RUNX1: variants seen among roughly 807,000 people sequenced by gnomAD.
RUNX1 encodes the protein runt-related transcription factor 1.
RUNX1 carries 19 observed loss-of-function variants against 42.8 expected under a neutral mutation model. That is an observed-to-expected ratio of 0.44 (90% confidence interval 0.31 to 0.65). The LOEUF (loss-of-function observed/expected upper bound fraction) is 0.65. RUNX1 is among the 30% of genes least tolerant of loss of function. The pLI, the probability that RUNX1 is intolerant of heterozygous loss-of-function variation, is 0.07. For missense variants in RUNX1, 528 were observed against 672.0 expected (o/e 0.79, Z 2.37); for synonymous variants, 271 against 289.4 (o/e 0.94, Z 0.64).
At chr21:35,010,737 A>C (rs1231143276) in intron 2 of RUNX1, among the ~76,000 whole-genome samples, 1 of 152,184 alleles carries the variant, frequency 6.6e-6, no homozygotes, top group Non-Finnish European at 1.5e-5. Flanking sequence ...GCACTCATGT[A>C]ATTTTACATA....
At chr21:34,885,825 C>A (rs868658215) in intron 4 of RUNX1, among the ~76,000 whole-genome samples, 1 of 152,266 alleles carries the variant, frequency 6.6e-6, no homozygotes, top group Middle Eastern at 3.4e-3. Flanking sequence ...CAGGAAATGA[C>A]CCGCACTGAT....
At chr21:35,048,597 C>T (rs1411377237) in intron 2 of RUNX1, among the ~76,000 whole-genome samples, 3 of 152,206 alleles carry the variant, frequency 2.0e-5, no homozygotes, top group Non-Finnish European at 4.4e-5. Flanking sequence ...AAAGTTCTCA[C>T]GCACCGACTG....
intron 2 of RUNX1, among the ~76,000 whole-genome samples, chr21:34,908,715 G>T (rs1317509268): frequency 6.6e-6 from 1 of 152,148 alleles, no homozygotes; most frequent in African/African-American, 2.4e-5. Flanking sequence ...TTCCCAATTT[G>T]TAGGTCTTTA....
intron 2 of RUNX1, among the ~76,000 whole-genome samples, chr21:34,906,903 G>C (rs2058224606): frequency 1.3e-5 from 2 of 152,180 alleles, no homozygotes; most frequent in Non-Finnish European, 2.9e-5. Context: ...CTCAGTTTGG[G>C]TTTGAGCCCA....
In RUNX1 at chr21:34,846,194, C is replaced by CTTTTTTT. The variant is rs5843687; in HGVS notation, c.614-11600_614-11594dup. Among the ~76,000 whole-genome samples the CTTTTTTT allele has an allele frequency of 1.2e-3, 118 of 102,256 alleles. 1 individual carries two copies. Among genetic ancestry groups the CTTTTTTT allele is most frequent in the African/African-American group, 3.6e-3 (101 of 28,438 alleles). The allele number at this position is 102,256 out of a possible 152,430, so 67.1% of individuals were successfully genotyped here. On this transcript the variant is annotated intron_variant, in intron 6 of 8. Transcript: ENST00000675419. Reference sequence around the variant, plus strand: ...GAGTACTTTGTGGGTTTAAGGATGTCTTTTTTTTTTTTTTTTTTTTTCAAA... The same window carrying CTTTTTTT: ...GAGTACTTTGTGGGTTTAAGGATGTCTTTTTTTTTTTTTTTTTTTTTTTTTTTTCAAA...
intron 2 of RUNX1, among the ~76,000 whole-genome samples, chr21:34,934,158 T>A (rs1345774672): frequency 1.3e-5 from 2 of 152,208 alleles, no homozygotes; most frequent in Non-Finnish European, 2.9e-5. Context: ...TCTCATGAGC[T>A]GTGACTAGCT....
chr21:34,974,526 A>G (rs1359166255), intron 2 of RUNX1, among the ~76,000 whole-genome samples: 1 of 152,170 alleles, frequency 6.6e-6, no homozygotes. Flanking sequence ...TTTACATTTC[A>G]TGTTCCATTT....
intron 2 of RUNX1, among the ~76,000 whole-genome samples, chr21:35,012,963 G>A (rs181364316): frequency 3.9e-5 from 6 of 152,206 alleles, no homozygotes; most frequent in East Asian, 1.9e-4. Context: ...ATAAATGAAC[G>A]GGCATGACTG....
rs186118367 is a variant in RUNX1, at chr21:34,828,923, A to C, written c.805+5487T>G. Among the ~76,000 whole-genome samples the C allele has an allele frequency of 3.8e-3, 574 of 152,266 alleles. 3 individuals are homozygous for C. The highest frequency in any genetic ancestry group is 3.7e-3 in the Admixed American group (56 of 15,304). On this transcript the variant is annotated intron_variant, in intron 7 of 8. Coordinates refer to ENST00000675419, the MANE Select transcript of RUNX1 (RefSeq NM_001754.5). ...GTCTATAATATATAAGACTACGACA[A>C]CTTGATATTATTGATGTTGATCATA... is the stretch of plus-strand genomic sequence containing the variant.
intron 2 of RUNX1, among the ~76,000 whole-genome samples, chr21:35,037,788 G>A (rs889413339): frequency 2.0e-5 from 3 of 152,242 alleles, no homozygotes; most frequent in African/African-American, 7.2e-5. Context: ...AACGGTGCAA[G>A]TGCCTTGCGC....
chr21:34,908,086 A>G (rs947233680), intron 2 of RUNX1, among the ~76,000 whole-genome samples: 6 of 152,168 alleles, frequency 3.9e-5, no homozygotes, highest in Non-Finnish European at 8.8e-5. Flanking sequence ...ATGAAATTGT[A>G]TTTACAGAAA....
chr21:34,887,133 AGG>A, intron 3 of RUNX1, 37 bp from the exon 4 acceptor site: 1 of 1,597,892 alleles, frequency 6.3e-7, no homozygotes, highest in Non-Finnish European at 8.5e-7. Flanking sequence ...CGATTGAGTT[AGG>A]ACCCTGCAAA....
chr21:34,824,233 CTT>C (rs966316419), intron 7 of RUNX1, among the ~76,000 whole-genome samples: 23 of 152,318 alleles, frequency 1.5e-4, no homozygotes, highest in African/African-American at 5.5e-4. Flanking sequence ...AACCTGAAGA[CTT>C]TCCATAGCTT....
At chr21:35,032,078 T>C (rs1455738252) in intron 2 of RUNX1, among the ~76,000 whole-genome samples, 2 of 152,172 alleles carry the variant, frequency 1.3e-5, no homozygotes, top group Non-Finnish European at 2.9e-5. Context: ...TGGGGAATGA[T>C]CAGGGGTGAT....
At chr21:34,970,394 T>C (rs2834706) in intron 2 of RUNX1, among the ~76,000 whole-genome samples, 53,396 of 152,110 alleles carry the variant, frequency 0.35, 9,636 homozygotes, top group East Asian at 0.56. Flanking sequence ...TCAGTTCATA[T>C]GCTTTGCAGA....
chr21:34,875,694 A>G (rs1004809079), intron 5 of RUNX1, among the ~76,000 whole-genome samples: 9 of 152,188 alleles, frequency 5.9e-5, no homozygotes, highest in Non-Finnish European at 1.2e-4. Context: ...GGATCCTACG[A>G]TAATACTGCG....
At chr21:34,952,745 T>G (rs1265723918) in intron 2 of RUNX1, among the ~76,000 whole-genome samples, 1 of 152,226 alleles carries the variant, frequency 6.6e-6, no homozygotes, top group African/African-American at 2.4e-5. Flanking sequence ...CTGCTCTTTC[T>G]TCTCACTTTC....
chr21:34,836,238 C>T (rs1371196103), intron 6 of RUNX1, among the ~76,000 whole-genome samples: 3 of 152,358 alleles, frequency 2.0e-5, no homozygotes, highest in South Asian at 2.1e-4. Context: ...GCCTGAGTCA[C>T]GCAGGCTCAG....
rs867994219 is a variant in RUNX1 at position 34,788,196 on chromosome 21, A to G, written c.*3939T>C. ...AGGATGTTTTGTGACCAAACCCAATAACTGCCACACAAATAGACCCTAGGT... is the reference window on the plus strand; with the variant it reads ...AGGATGTTTTGTGACCAAACCCAATGACTGCCACACAAATAGACCCTAGGT... On this transcript the variant is annotated 3_prime_UTR_variant, in exon 9 of 9. Coordinates refer to ENST00000675419, the MANE Select transcript of RUNX1 (RefSeq NM_001754.5). 1 of 233,516 alleles carries G rather than the reference A, an allele frequency of 4.3e-6. No individual in the cohort carries two copies. The highest frequency in any genetic ancestry group is 2.2e-5 in the African/African-American group (1 of 45,348). The allele number at this position is 233,516 out of a possible 1,614,324, so 14.5% of individuals were successfully genotyped here. A position where few individuals can be genotyped will look rare whatever the true frequency, so the allele number is the denominator to read the frequency against.
Sources: gnomAD v4.1 joint callset for allele counts (sites outside exome capture counted in the v4.1 genomes callset) on GRCh38, gnomAD v4.1.1 for gene constraint, MANE v1.5 for transcripts, NCBI Gene and HGNC (gene_info 2026-07-23, HGNC 2026-07-21) for gene names.